ZNF385D: variants seen among roughly 807,000 people sequenced by gnomAD.
ZNF385D encodes zinc finger protein 385D, also known as zinc finger protein 659.
In ZNF385D, 15 loss-of-function variants were observed where a neutral mutation model predicts 35.8. The ratio of observed to expected loss-of-function variants is 0.42; its 90% CI spans 0.28 to 0.64. ZNF385D has a LOEUF of 0.64. ZNF385D is among the 30% of genes least tolerant of loss of function. The pLI, the probability that ZNF385D is intolerant of heterozygous loss-of-function variation, is 0.23. For synonymous variants in ZNF385D, 212 were observed against 186.8 expected, an observed-to-expected ratio of 1.13 and a Z score of -1.10; for missense variants, 474 against 494.6, an observed-to-expected ratio of 0.96 and a Z score of 0.39.
At chr3:21,687,548 C>A (rs1310730073) in intron 1 of ZNF385D, among the ~76,000 whole-genome samples, 1 of 152,066 alleles carries the variant, frequency 6.6e-6, no homozygotes, top group East Asian at 1.9e-4. Context: ...TCATTTGTTA[C>A]CACTGATGAA....
chr3:21,483,996 A>G (rs549714188), intron 4 of ZNF385D, among the ~76,000 whole-genome samples: 3 of 152,254 alleles, frequency 2.0e-5, no homozygotes, highest in South Asian at 2.1e-4. Context: ...AGAAACTGGC[A>G]TCGTAATTTG....
intron 3 of ZNF385D, among the ~76,000 whole-genome samples, chr3:22,023,649 G>T (rs1284714616): frequency 6.7e-6 from 1 of 150,146 alleles, no homozygotes; most frequent in African/African-American, 2.5e-5. Flanking sequence ...TGAGTTAGCA[G>T]CAAAGCAATG....
intron 2 of ZNF385D, among the ~76,000 whole-genome samples, chr3:22,299,932 A>G (rs1013675594): frequency 2.6e-5 from 4 of 151,994 alleles, no homozygotes; most frequent in Non-Finnish European, 5.9e-5. Context: ...CAAAATTTCA[A>G]TGACATTTCT....
At chr3:21,834,628 G>C (rs1027665042) in intron 3 of ZNF385D, among the ~76,000 whole-genome samples, 6 of 152,224 alleles carry the variant, frequency 3.9e-5, no homozygotes, top group African/African-American at 1.2e-4. Flanking sequence ...TTTTTTAAAA[G>C]GACAATTTGT....
chr3:21,997,649 A>G (rs902552647), intron 3 of ZNF385D, among the ~76,000 whole-genome samples: 3 of 152,052 alleles, frequency 2.0e-5, no homozygotes, highest in Non-Finnish European at 2.9e-5. Context: ...TGCATATCAT[A>G]GTTTATTTCT....
intron 2 of ZNF385D, among the ~76,000 whole-genome samples, chr3:21,586,975 G>A (rs778728398): frequency 1.3e-5 from 2 of 152,068 alleles, no homozygotes; most frequent in African/African-American, 2.4e-5. Context: ...GGATGAGTAG[G>A]AATTATTTAC....
chr3:22,085,788 C>T (rs1213241058), intron 3 of ZNF385D, among the ~76,000 whole-genome samples: 3 of 152,138 alleles, frequency 2.0e-5, no homozygotes, highest in African/African-American at 4.8e-5. Context: ...TGATGAACAT[C>T]AATGCAAAAA....
intron 2 of ZNF385D, among the ~76,000 whole-genome samples, chr3:22,172,110 T>G (rs896185281): frequency 1.3e-4 from 20 of 152,192 alleles, no homozygotes; most frequent in Admixed American, 4.6e-4. Context: ...CAAAATAATT[T>G]ATCAATTTGT....
chr3:22,094,394 A>ATT (rs1559364080), intron 3 of ZNF385D, among the ~76,000 whole-genome samples: 1 of 79,680 alleles, frequency 1.3e-5, no homozygotes, highest in Non-Finnish European at 3.0e-5. Context: ...TGATATATAT[A>ATT]TATATATATA....
chr3:22,257,191 T>C (rs1414363762), intron 2 of ZNF385D, among the ~76,000 whole-genome samples: 1 of 151,820 alleles, frequency 6.6e-6, no homozygotes, highest in African/African-American at 2.4e-5. Context: ...TCTGCCCCCA[T>C]ATTTTCAAAT....
intron 3 of ZNF385D, among the ~76,000 whole-genome samples, chr3:22,149,769 A>C (rs141012367): frequency 1.5e-3 from 221 of 152,248 alleles, no homozygotes; most frequent in African/African-American, 4.9e-3. Flanking sequence ...CTTCTTTCCC[A>C]GACCACCTGC....
chr3:22,291,610 G>T (rs895996766), intron 2 of ZNF385D, among the ~76,000 whole-genome samples: 1 of 151,908 alleles, frequency 6.6e-6, no homozygotes, highest in Non-Finnish European at 1.5e-5. Context: ...CTTTACAACA[G>T]TTAAAGAAGT....
At chr3:21,934,345 G>T (rs1701160618) in intron 3 of ZNF385D, among the ~76,000 whole-genome samples, 1 of 152,106 alleles carries the variant, frequency 6.6e-6, no homozygotes, top group Admixed American at 6.6e-5. Context: ...ATGCTTTTAT[G>T]TAAACACTCC....
At chr3:21,704,526 T>C (rs149663175) in intron 1 of ZNF385D, among the ~76,000 whole-genome samples, 12 of 152,276 alleles carry the variant, frequency 7.9e-5, no homozygotes, top group African/African-American at 2.9e-4. Context: ...ATTTATTTAT[T>C]GAGACAACGT....
chr3:21,964,429 AAAAG>A (rs537060690), intron 3 of ZNF385D, among the ~76,000 whole-genome samples: 6 of 82,310 alleles, frequency 7.3e-5, no homozygotes, highest in African/African-American at 3.4e-4. Context: ...AAAAAAAAAA[AAAAG>A]AAAAAAAAAA....
At chr3:21,774,609 A>G (rs529939462) in intron 3 of ZNF385D, among the ~76,000 whole-genome samples, 2 of 151,880 alleles carry the variant, frequency 1.3e-5, no homozygotes, top group South Asian at 2.1e-4. Flanking sequence ...GTTCAGGAAA[A>G]ATATTATGGT....
At chr3:21,521,166 C>T (rs554848084) in intron 3 of ZNF385D, among the ~76,000 whole-genome samples, 3 of 152,168 alleles carry the variant, frequency 2.0e-5, no homozygotes, top group Non-Finnish European at 4.4e-5. Flanking sequence ...TCCACAGGGT[C>T]CACAAAATAA....
intron 3 of ZNF385D, among the ~76,000 whole-genome samples, chr3:21,529,255 C>T (rs1034880671): frequency 6.6e-6 from 1 of 152,134 alleles, no homozygotes; most frequent in African/African-American, 2.4e-5. Flanking sequence ...CTTTGTGCCA[C>T]AGTGCAATCG....
At chr3:21,641,246 C>T (rs773194629) in intron 2 of ZNF385D, among the ~76,000 whole-genome samples, 3 of 151,846 alleles carry the variant, frequency 2.0e-5, no homozygotes, top group African/African-American at 7.3e-5. Context: ...TCCTAGTGCT[C>T]TTGGGTTTAG....
Sources: allele counts gnomAD v4.1 joint callset (sites outside exome capture counted in the v4.1 genomes callset), GRCh38; gene constraint gnomAD v4.1.1; transcripts MANE v1.5; gene names NCBI Gene and HGNC (gene_info 2026-07-23, HGNC 2026-07-21).